The following ADAMTS5 variants were observed in gnomAD, a reference collection of about 807,000 sequenced individuals.
The protein encoded by ADAMTS5 is A disintegrin and metalloproteinase with thrombospondin motifs 5.
A neutral mutation model predicts 81.4 loss-of-function variants in ADAMTS5; 54 were observed. The ratio of observed to expected loss-of-function variants is 0.66; its 90% confidence interval spans 0.53 to 0.83. The LOEUF (loss-of-function observed/expected upper bound fraction) is 0.83, where lower values mean the gene tolerates loss of function less well. Among genes scored for constraint, ADAMTS5 ranks in the 40% least tolerant of loss-of-function variants. The probability of loss-of-function intolerance (pLI) is 0.00; values close to 1 mark genes in which losing one functional copy is unlikely to be tolerated. For synonymous variants in ADAMTS5, 532 were observed against 508.8 expected (o/e 1.05, Z -0.61); for missense variants, 1,194 against 1,229.9 (o/e 0.97, Z 0.44).
rs1197404425 is a variant in ADAMTS5 at position 26,943,384 on chromosome 21, G to A, written c.1401C>T (p.Gly467=). The change falls in exon 3 of 8, where the codon GGC becomes GGT. Residue 467 remains glycine, a synonymous_variant. Coordinates refer to ENST00000284987, the MANE Select transcript of ADAMTS5 (RefSeq NM_007038.5). ...GTTCTCCTAAATGATACATACCATG[G>A]CCATCATCCAGGAATTCTGTGATGG... ...SATITEFLDD[G]HGNCLLDLPR... is the part of the protein sequence containing the mutation. 6.2e-7 allele frequency: 1 copy of A among 1,611,914 alleles called. No individual in the cohort carries two copies.
rs987006846 is a variant in ADAMTS5 at position 26,966,335 on chromosome 21, C to A, written c.57G>T (p.Ala19=). ...LLCAFRLPLA[A]VGPAATPAQD... is the part of the protein sequence containing the mutation. Reference sequence around the variant, plus strand: ...GGGCAGGTGTCGCGGCGGGGCCGACCGCGGCCAGGGGCAGGCGGAACGCGC... The same window carrying A: ...GGGCAGGTGTCGCGGCGGGGCCGACAGCGGCCAGGGGCAGGCGGAACGCGC... Residue 19 remains alanine, a synonymous_variant, in exon 1 of 8, where the codon GCG becomes GCT. Transcript: ENST00000284987. The A allele has an allele frequency of 1.5e-5, 23 of 1,506,740 alleles. No homozygotes were observed. The Admixed American group carries it at 2.8e-4, about 18-fold the overall frequency. 93.3% of individuals were successfully genotyped at this position (1,506,740 alleles called of 1,614,324 possible). A position where few individuals can be genotyped will look rare whatever the true frequency, so the allele number is the denominator to read the frequency against.
chr21:26,964,502 A>G (rs1035732407), intron 1 of ADAMTS5, among the ~76,000 whole-genome samples: 2 of 152,194 alleles, frequency 1.3e-5, no homozygotes, highest in Non-Finnish European at 2.9e-5. Context: ...CTTCGGAAAC[A>G]TATTCATCCA....
intron 3 of ADAMTS5, among the ~76,000 whole-genome samples, chr21:26,942,148 G>T (rs1433189474): frequency 6.6e-6 from 1 of 152,070 alleles, no homozygotes; most frequent in Non-Finnish European, 1.5e-5. Context: ...TGTTCACCAC[G>T]AATGGAGCAA....
chr21:26,938,349 T>A (rs1987053411), intron 3 of ADAMTS5, among the ~76,000 whole-genome samples: 1 of 151,702 alleles, frequency 6.6e-6, no homozygotes. Context: ...GGCAAAAAAA[T>A]AAAAAGTAAA....
chr21:26,959,932 T>C (rs1382445374), intron 1 of ADAMTS5, among the ~76,000 whole-genome samples: 2 of 152,184 alleles, frequency 1.3e-5, no homozygotes, highest in Non-Finnish European at 2.9e-5. Context: ...GCACAGATCT[T>C]ATTAGATTCC....
intron 1 of ADAMTS5, among the ~76,000 whole-genome samples, chr21:26,958,532 G>T (rs1987469700): frequency 6.6e-6 from 1 of 152,096 alleles, no homozygotes; most frequent in Non-Finnish European, 1.5e-5. Context: ...CAACCTTTAC[G>T]ATGACCCATT....
chr21:26,921,009 C>T lies in ADAMTS5; in HGVS notation c.*3044G>A, dbSNP rs1986683867. 6.6e-6 allele frequency: 1 copy of T among 152,436 alleles called. No individual in the cohort carries two copies. The highest frequency in any genetic ancestry group is 2.4e-5 in the African/African-American group (1 of 41,402). The allele number at this position is 152,436 out of a possible 1,614,324, so 9.4% of individuals were successfully genotyped here. ...ACAAAGTGTAAAAGTGTACTTTATA[C>T]ACAAACATGAAGCATAAATTAAAAA... On this transcript the variant is annotated 3_prime_UTR_variant, in exon 8 of 8. Coordinates refer to ENST00000284987, the MANE Select transcript of ADAMTS5 (RefSeq NM_007038.5).
chr21:26,928,559 T>C (rs1986845017), intron 7 of ADAMTS5, among the ~76,000 whole-genome samples: 1 of 152,094 alleles, frequency 6.6e-6, no homozygotes, highest in Non-Finnish European at 1.5e-5. Flanking sequence ...TTTTTAAAAG[T>C]AGTTTTGTTT....
chr21:26,949,528 C>A (rs1430416729), intron 2 of ADAMTS5, among the ~76,000 whole-genome samples: 1 of 151,984 alleles, frequency 6.6e-6, no homozygotes, highest in Non-Finnish European at 1.5e-5. Context: ...GAAGAGGAAA[C>A]TTCCTAAACA....
rs1421257868 is a variant in ADAMTS5 at position 26,934,709 on chromosome 21, G to A, written c.1446C>T (p.Gly482=). 1 of 1,614,184 alleles carries A rather than the reference G, an allele frequency of 6.2e-7. No individual in the cohort carries two copies. The change falls in exon 4 of 8, where the codon GGC becomes GGT. Residue 482 remains glycine, a synonymous_variant. Coordinates refer to ENST00000284987, the MANE Select transcript of ADAMTS5 (RefSeq NM_007038.5). ...AGGTCTGTCCTGGGAGTTCTTCGGG[G>A]CCCAGGATCTGCTTTCGTGGTAGGT... ...LLDLPRKQIL[G]PEELPGQTYD...
intron 1 of ADAMTS5, among the ~76,000 whole-genome samples, chr21:26,955,223 T>C (rs966821314): frequency 6.6e-6 from 1 of 152,228 alleles, no homozygotes; most frequent in African/African-American, 2.4e-5. Context: ...CTGATGGAAA[T>C]TCATGCTAAA....
rs181580122 is a variant in ADAMTS5 at position 26,937,518 on chromosome 21, T to G, written c.1406-2769A>C. Among the ~76,000 whole-genome samples, 179 of 152,348 alleles carry G rather than the reference T, an allele frequency of 1.2e-3. 5 individuals carry two copies. Among genetic ancestry groups the G allele is most frequent in the Non-Finnish European group, 1.3e-4 (9 of 68,030 alleles). ...TTAATTTTTACATTGAATTATGTCCTTTTGCAACAAAATAGGTACAAGCAT... is the reference window on the plus strand; with the variant it reads ...TTAATTTTTACATTGAATTATGTCCGTTTGCAACAAAATAGGTACAAGCAT... On this transcript the variant is annotated intron_variant, in intron 3 of 7. Coordinates refer to ENST00000284987, the MANE Select transcript of ADAMTS5 (RefSeq NM_007038.5).
At position 26,937,495 on chromosome 21, in the gene ADAMTS5, A is replaced by C. The variant is rs149990090; in HGVS notation, c.1406-2746T>G. Among the ~76,000 whole-genome samples, 1,258 of 152,320 alleles carry C rather than the reference A, an allele frequency of 8.3e-3. 34 individuals are homozygous for C. Among genetic ancestry groups the C allele is most frequent in the South Asian group, 0.048 (233 of 4,824 alleles). ...GTTTATGCCAAAGCATATATAATTT[A>C]ATTTTTACATTGAATTATGTCCTTT... On this transcript the variant is annotated intron_variant, in intron 3 of 7. Coordinates refer to ENST00000284987, the MANE Select transcript of ADAMTS5 (RefSeq NM_007038.5).
intron 3 of ADAMTS5, among the ~76,000 whole-genome samples, chr21:26,942,710 C>A (rs984245920): frequency 2.6e-5 from 4 of 152,136 alleles, no homozygotes; most frequent in Non-Finnish European, 5.9e-5. Flanking sequence ...AGCACTGATC[C>A]TAGTCTTACA....
chr21:26,934,569 C>A lies in ADAMTS5; in HGVS notation c.1586G>T (p.Cys529Phe). 6.2e-7 allele frequency: 1 copy of A among 1,614,200 alleles called. No individual in the cohort carries two copies. Among genetic ancestry groups the A allele is most frequent in the Non-Finnish European group, 8.5e-7 (1 of 1,180,046 alleles). Residue 529 changes from cysteine (C) to phenylalanine (F), a missense_variant, in exon 4 of 8, where the codon TGT becomes TTT. By Grantham distance (205) the Cys-to-Phe change is radical (BLOSUM62 -2). Around this residue, in one of 2 missense-constraint regions of ADAMTS5, gnomAD observed 696 missense variants for 817.6 expected, o/e 0.85. Transcript: ENST00000284987. The stretch of plus-strand genomic sequence containing the variant: ...CACCGCAGGCAGCTTCTTGGTCAGA[C>A]AGACCATCTGGCCCTGGCGTACCAC... ...CAVVRQGQMV[C>F]LTKKLPAVEG...
intron 7 of ADAMTS5, among the ~76,000 whole-genome samples, chr21:26,926,313 A>G (rs574520394): frequency 1.4e-4 from 21 of 152,316 alleles, no homozygotes; most frequent in African/African-American, 4.6e-4. Flanking sequence ...AGAGTATGAA[A>G]TGGGGATATA....
In ADAMTS5 at chr21:26,966,383, G is replaced by C; in HGVS notation, c.9C>G (p.Leu3=). The C allele has an allele frequency of 6.8e-7, 1 of 1,476,374 alleles. No individual in the cohort carries two copies. The highest frequency in any genetic ancestry group is 1.3e-5 in the South Asian group (1 of 74,260). 91.5% of individuals were successfully genotyped at this position (1,476,374 alleles called of 1,614,324 possible). Residue 3 remains leucine (L), a synonymous_variant, in exon 1 of 8, where the codon CTC becomes CTG. Transcript: ENST00000284987. ...CGCACAGCAGCAGGGACGCCCACCC[G>C]AGCAGCATAGTGCGCTGCCCGCGGG... ML[L]GWASLLLCAF...
In ADAMTS5 at chr21:26,923,784, CCT is replaced by C. The variant is rs1986745795; in HGVS notation, c.*267_*268del. Reference sequence around the variant, plus strand: ...ACAGTTCTGCCATCTTCAAATGTCCCCTGATTTTACATTCATCAGTGTTTCTT... The same window carrying C: ...ACAGTTCTGCCATCTTCAAATGTCCCGATTTTACATTCATCAGTGTTTCTT... On this transcript the variant is annotated 3_prime_UTR_variant, in exon 8 of 8. Transcript: ENST00000284987. 5.5e-6 allele frequency: 2 copies of C among 365,856 alleles called. No homozygotes were observed. Among genetic ancestry groups the C allele is most frequent in the Non-Finnish European group, 1.0e-5 (2 of 200,796 alleles). 22.7% of individuals were successfully genotyped at this position (365,856 alleles called of 1,614,324 possible).
At position 26,966,204 on chromosome 21, in the gene ADAMTS5, G is replaced by T; in HGVS notation, c.188C>A (p.Pro63His). 1 of 1,597,078 alleles carries T rather than the reference G, an allele frequency of 6.3e-7. No individual in the cohort carries two copies. Among genetic ancestry groups the T allele is most frequent in the Non-Finnish European group, 8.5e-7 (1 of 1,172,200 alleles). ...ERAEPPGHPHPLAQRRRSKGL... is the reference protein window; with the variant it reads ...ERAEPPGHPHHLAQRRRSKGL... ...CTTGCTCCTGCGCCGCTGCGCCAGG[G>T]GGTGCGGGTGGCCGGGAGGCTCGGC... Residue 63 changes from proline (P) to histidine (H), a missense_variant, in exon 1 of 8, where the codon CCC (proline) becomes CAC (histidine). Coordinates refer to ENST00000284987, the MANE Select transcript of ADAMTS5 (RefSeq NM_007038.5).
Sources: gnomAD v4.1 joint callset for allele counts (sites outside exome capture counted in the v4.1 genomes callset) on GRCh38, gnomAD v4.1.1 for gene constraint, gnomAD v4.1.1 regional missense constraint, MANE v1.5 for transcripts, NCBI Gene and HGNC (gene_info 2026-07-23, HGNC 2026-07-21) for gene names.